Variants in MTF1 observed in about 807,000 individuals in gnomAD.
MTF1 encodes the protein metal regulatory transcription factor 1.
MTF1 carries 22 observed loss-of-function variants against 70.4 expected under a neutral mutation model. The observed-to-expected ratio is 0.31, with a 90% CI of 0.22 to 0.45. The LOEUF is 0.45. Among genes scored for constraint, MTF1 ranks in the 20% least tolerant of loss-of-function variants. The pLI, the probability that MTF1 is intolerant of heterozygous loss-of-function variation, is 1.00. For missense variants in MTF1, 649 were observed against 922.0 expected, an observed-to-expected ratio of 0.70 and a Z score of 3.83; for synonymous variants, 333 against 352.8, an observed-to-expected ratio of 0.94 and a Z score of 0.63.
chr1:37,833,668 C>A (rs1641121402), intron 6 of MTF1, among the ~76,000 whole-genome samples: 1 of 152,102 alleles, frequency 6.6e-6, no homozygotes. Flanking sequence ...AATAAATATA[C>A]AATGTGCAAG....
chr1:37,842,734 G>C (rs1183854548), intron 2 of MTF1, among the ~76,000 whole-genome samples: 1 of 150,150 alleles, frequency 6.7e-6, no homozygotes, highest in African/African-American at 2.5e-5. Flanking sequence ...TTTTTTTTTT[G>C]TTTGAGACAG....
rs1640757559 is a variant in MTF1 at position 37,812,803 on chromosome 1, C to G, written c.*2333G>C. 1 of 152,218 alleles carries G rather than the reference C, an allele frequency of 6.6e-6. No individual in the cohort carries two copies. Among genetic ancestry groups the G allele is most frequent in the South Asian group, 2.1e-4 (1 of 4,826 alleles). The allele number at this position is 152,218 out of a possible 1,614,324, so 9.4% of individuals were successfully genotyped here. A position where few individuals can be genotyped will look rare whatever the true frequency, so the allele number is the denominator to read the frequency against. On this transcript the variant is annotated 3_prime_UTR_variant, in exon 11 of 11. Coordinates refer to ENST00000373036, the MANE Select transcript of MTF1 (RefSeq NM_005955.3). Reference sequence around the variant, plus strand: ...CTACTCTCTCAGAAGTTGTAAACAGCAAGGGCCCTACCTCAAAACTTCCCA... The same window carrying G: ...CTACTCTCTCAGAAGTTGTAAACAGGAAGGGCCCTACCTCAAAACTTCCCA...
intron 10 of MTF1, among the ~76,000 whole-genome samples, chr1:37,816,884 G>T (rs1233911768): frequency 6.6e-6 from 1 of 152,106 alleles, no homozygotes; most frequent in Non-Finnish European, 1.5e-5. Context: ...ACAAAGGCCA[G>T]TGGGCAGGAG....
At chr1:37,834,080 A>T (rs999295215) in intron 6 of MTF1, among the ~76,000 whole-genome samples, 1 of 151,938 alleles carries the variant, frequency 6.6e-6, no homozygotes, top group Non-Finnish European at 1.5e-5. Flanking sequence ...CACAAAAAAA[A>T]CCTGGGTGTG....
Position 37,810,673 on chromosome 1 carries a change from C to G in MTF1, c.*4463G>C, listed in dbSNP as rs1640706373. 6.6e-6 allele frequency: 1 copy of G among 152,218 alleles called. No individual in the cohort carries two copies. Among genetic ancestry groups the G allele is most frequent in the East Asian group, 1.9e-4 (1 of 5,206 alleles). The allele number at this position is 152,218 out of a possible 1,614,324, so 9.4% of individuals were successfully genotyped here. The stretch of plus-strand genomic sequence containing the variant: ...AACAGACAATTTCTGATCTATGTCA[C>G]AGCAGAACTATTTGCATATTGGATC... On this transcript the variant is annotated 3_prime_UTR_variant, in exon 11 of 11. Coordinates refer to ENST00000373036, the MANE Select transcript of MTF1 (RefSeq NM_005955.3).
intron 2 of MTF1, 63 bp downstream of exon 2, chr1:37,857,188 C>A: frequency 3.3e-6 from 5 of 1,535,280 alleles, no homozygotes; most frequent in Non-Finnish European, 4.4e-6. Context: ...AAAATTTGCA[C>A]CAAGAATTTT....
chr1:37,815,297 C>T lies in MTF1; in HGVS notation c.2101G>A (p.Ala701Thr), dbSNP rs758428309. ...GTCTGAGGGTCTGAAGGAGTCTCTG[C>T]TTGTCGGCTTTGCTCACAGGAGGAG... ...LPSSCEQSRQ[A>T]ETPSDPQTET... Residue 701 changes from alanine to threonine, a missense_variant, in exon 11 of 11, where the codon GCA becomes ACA. Physicochemically the swap from Ala to Thr is moderately conservative, Grantham distance 58 (BLOSUM62 0). Around this residue, in one of 7 missense-constraint regions of MTF1, gnomAD observed 138 missense variants for 134.4 expected, o/e 1.03. Coordinates refer to ENST00000373036, the MANE Select transcript of MTF1 (RefSeq NM_005955.3). The surrounding 1 kb of genome is among the most constrained non-coding windows in gnomAD (Gnocchi z 4.5). The T allele has an allele frequency of 6.2e-7, 1 of 1,614,120 alleles. No individual in the cohort carries two copies. The highest frequency in any genetic ancestry group is 1.1e-5 in the South Asian group (1 of 91,078).
At chr1:37,818,193 G>A (rs1425177515) in intron 9 of MTF1, among the ~76,000 whole-genome samples, 1 of 152,230 alleles carries the variant, frequency 6.6e-6, no homozygotes, top group African/African-American at 2.4e-5. Flanking sequence ...AGTATTGAGA[G>A]GCTGGGTTTT....
At chr1:37,855,402 C>G (rs1208130213) in intron 2 of MTF1, among the ~76,000 whole-genome samples, 1 of 152,090 alleles carries the variant, frequency 6.6e-6, no homozygotes, top group Non-Finnish European at 1.5e-5. Flanking sequence ...TGGATGTCTT[C>G]AAGCAGAAAC....
chr1:37,842,050 G>C (rs1641261407), intron 2 of MTF1, among the ~76,000 whole-genome samples: 1 of 151,406 alleles, frequency 6.6e-6, no homozygotes, highest in African/African-American at 2.4e-5. Context: ...AAAAAAAAGG[G>C]GGAAAAAAAA....
chr1:37,822,627 G>A lies in MTF1; in HGVS notation c.1261C>T (p.Leu421Phe). 2 of 1,613,996 alleles carry A rather than the reference G, an allele frequency of 1.2e-6. No homozygotes were observed. The highest frequency in any genetic ancestry group is 1.7e-6 in the Non-Finnish European group (2 of 1,180,018). ...TGNSASLSLP[L>F]VLQPGLSEPP... The stretch of plus-strand genomic sequence containing the variant: ...TCGGAGAGGCCAGGTTGCAGTACAA[G>A]TGGAAGAGATAAAGATGCTGAATTT... The change falls in exon 9 of 11, where the codon CTT becomes TTT. Residue 421 changes from leucine to phenylalanine, a missense_variant. Physicochemically the swap from Leu to Phe is conservative, Grantham distance 22. Coordinates refer to ENST00000373036, the MANE Select transcript of MTF1 (RefSeq NM_005955.3).
In MTF1 at chr1:37,815,625, G is replaced by T; in HGVS notation, c.1832-59C>A. ...TAGCTGCAGGGGCAGGAGCATGAGG[G>T]ACAGGGATACATGGACTAGGTGAGA... On this transcript the variant is annotated intron_variant, in intron 10 of 10. Coordinates refer to ENST00000373036, the MANE Select transcript of MTF1 (RefSeq NM_005955.3). This position sits in a 1 kb window ranked among gnomAD's most constrained non-coding sequence, Gnocchi z 4.5. 1 of 1,352,202 alleles carries T rather than the reference G, an allele frequency of 7.4e-7. No homozygotes were observed. Among genetic ancestry groups the T allele is most frequent in the Non-Finnish European group, 1.0e-6 (1 of 986,266 alleles). The allele number at this position is 1,352,202 out of a possible 1,614,324, so 83.8% of individuals were successfully genotyped here.
chr1:37,846,219 G>A (rs373454168), intron 2 of MTF1, among the ~76,000 whole-genome samples: 2 of 152,002 alleles, frequency 1.3e-5, no homozygotes, highest in South Asian at 4.1e-4. Flanking sequence ...AATCAGACAA[G>A]AACAACATGG....
At chr1:37,821,386 T>C (rs1640908103) in intron 9 of MTF1, among the ~76,000 whole-genome samples, 1 of 152,186 alleles carries the variant, frequency 6.6e-6, no homozygotes, top group Non-Finnish European at 1.5e-5. Flanking sequence ...TAGCTGTTGA[T>C]GTTTTTTAAA....
At chr1:37,834,145 G>A (rs1641128711) in intron 6 of MTF1, among the ~76,000 whole-genome samples, 1 of 152,056 alleles carries the variant, frequency 6.6e-6, no homozygotes, top group Non-Finnish European at 1.5e-5. Context: ...CCAGGGAGGT[G>A]GAGGTCACAG....
Position 37,811,120 on chromosome 1 carries a change from C to T in MTF1, c.*4016G>A, listed in dbSNP as rs1640724742. On this transcript the variant is annotated 3_prime_UTR_variant, in exon 11 of 11. Coordinates refer to ENST00000373036, the MANE Select transcript of MTF1 (RefSeq NM_005955.3). ...TCTACCTAGGAACAATCTGTTCCTT[C>T]CTTTCAGGCATCATTTTGTAATGGT... 1.3e-5 allele frequency: 2 copies of T among 152,638 alleles called. No individual in the cohort carries two copies. The highest frequency in any genetic ancestry group is 4.8e-5 in the African/African-American group (2 of 41,448). 9.5% of individuals were successfully genotyped at this position (152,638 alleles called of 1,614,324 possible). A position where few individuals can be genotyped will look rare whatever the true frequency, so the allele number is the denominator to read the frequency against.
At chr1:37,834,084 G>A (rs957866913) in intron 6 of MTF1, among the ~76,000 whole-genome samples, 13 of 152,002 alleles carry the variant, frequency 8.6e-5, no homozygotes, top group Admixed American at 6.5e-5. Flanking sequence ...AAAAAAACCT[G>A]GGTGTGGTGG....
intron 6 of MTF1, 57 bp downstream of exon 6, chr1:37,835,022 A>T: frequency 6.3e-7 from 1 of 1,579,898 alleles, no homozygotes; most frequent in Non-Finnish European, 8.7e-7. Flanking sequence ...ATTGTGATAC[A>T]CAAACAACTG....
intron 7 of MTF1, among the ~76,000 whole-genome samples, chr1:37,831,279 C>T (rs1641082065): frequency 6.6e-6 from 1 of 152,168 alleles, no homozygotes; most frequent in South Asian, 2.1e-4. Flanking sequence ...CATAAAAATG[C>T]AGGTTCAGAT....
Sources: gnomAD v4.1 joint callset for allele counts (sites outside exome capture counted in the v4.1 genomes callset) on GRCh38, gnomAD v4.1.1 for gene constraint, gnomAD v4.1.1 regional missense constraint, Gnocchi (gnomAD v3.1) non-coding constraint, MANE v1.5 for transcripts, NCBI Gene and HGNC (gene_info 2026-07-23, HGNC 2026-07-21) for gene names.